SEMA3A: variants seen among roughly 807,000 people sequenced by gnomAD.
The protein encoded by SEMA3A is semaphorin 3A.
In SEMA3A, 29 loss-of-function variants were observed where a neutral mutation model predicts 97.9. The observed-to-expected ratio is 0.30, with a 90% CI of 0.22 to 0.40. The LOEUF (loss-of-function observed/expected upper bound fraction) is 0.40, where lower values mean the gene tolerates loss of function less well. Among genes scored for constraint, SEMA3A ranks in the 10% least tolerant of loss-of-function variants. The pLI is 1.00. For synonymous variants in SEMA3A, 321 were observed against 323.7 expected (o/e 0.99, Z 0.09); for missense variants, 763 against 951.3 (o/e 0.80, Z 2.60).
intron 3 of SEMA3A, among the ~76,000 whole-genome samples, chr7:84,295,821 A>T (rs1212313476): frequency 6.6e-6 from 1 of 152,118 alleles, no homozygotes; most frequent in Non-Finnish European, 1.5e-5. Context: ...CCGAAAATAA[A>T]TAAACCAATA....
Position 84,014,332 on chromosome 7 carries a change from G to A in SEMA3A, c.687C>T (p.Ala229=), listed in dbSNP as rs1243646581. 1 of 1,610,304 alleles carries A rather than the reference G, an allele frequency of 6.2e-7. No homozygotes were observed. The highest frequency in any genetic ancestry group is 1.7e-5 in the Admixed American group (1 of 59,934). ...RWLNDPKFIS[A]HLISESDNPE... is the part of the protein sequence containing the mutation. ...GATTGTCACTCTCTGAGATGAGGTG[G>A]GCACTAATGAACTTTGGATCTGAGA... The change falls in exon 7 of 17, where the codon GCC becomes GCT. Residue 229 remains alanine, a synonymous_variant. Coordinates refer to ENST00000265362, the MANE Select transcript of SEMA3A (RefSeq NM_006080.3).
chr7:84,056,999 C>A (rs1392855709), intron 5 of SEMA3A, among the ~76,000 whole-genome samples: 1 of 152,158 alleles, frequency 6.6e-6, no homozygotes, highest in Non-Finnish European at 1.5e-5. Context: ...ATTTCAGGTA[C>A]AAGGAAACTG....
chr7:84,394,045 G>A (rs1803660442), intron 1 of SEMA3A, among the ~76,000 whole-genome samples: 1 of 152,060 alleles, frequency 6.6e-6, no homozygotes, highest in Admixed American at 6.6e-5. Context: ...AAAAGAGCTG[G>A]CTGGTGTCAC....
chr7:84,181,668 A>T (rs1037329967), intron 1 of SEMA3A, among the ~76,000 whole-genome samples: 2 of 152,174 alleles, frequency 1.3e-5, no homozygotes, highest in South Asian at 4.1e-4. Context: ...TTACAAATTC[A>T]TCACTGATTA....
chr7:84,476,383 A>C (rs1806281734), intron 1 of SEMA3A, among the ~76,000 whole-genome samples: 1 of 151,736 alleles, frequency 6.6e-6, no homozygotes, highest in South Asian at 2.1e-4. Flanking sequence ...GAAAAGAAAA[A>C]ATTTTTTTTC....
rs183515767 is a variant in SEMA3A, at chr7:84,010,000, G to T, written c.995+1022C>A. On this transcript the variant is annotated intron_variant, in intron 9 of 16. Coordinates refer to ENST00000265362, the MANE Select transcript of SEMA3A (RefSeq NM_006080.3). ...ATGTGCTGTAATGGTGAAGACTTTTGTTTTTATTATGTCTTTTTATGTGAT... is the reference window on the plus strand; with the variant it reads ...ATGTGCTGTAATGGTGAAGACTTTTTTTTTTATTATGTCTTTTTATGTGAT... 6.4e-3 allele frequency among the ~76,000 whole-genome samples: 910 copies of T among 142,716 alleles called. 10 individuals carry two copies. The highest frequency in any genetic ancestry group is 0.022 in the African/African-American group (870 of 39,132). The allele number at this position is 142,716 out of a possible 152,430, so 93.6% of individuals were successfully genotyped here.
At chr7:84,359,434 A>G (rs1169898357) in intron 2 of SEMA3A, among the ~76,000 whole-genome samples, 2 of 152,026 alleles carry the variant, frequency 1.3e-5, no homozygotes, top group East Asian at 3.9e-4. Context: ...TATATGCTGG[A>G]TTATGTTTAT....
chr7:84,063,966 G>T (rs1429733956), intron 4 of SEMA3A, among the ~76,000 whole-genome samples: 1 of 150,954 alleles, frequency 6.6e-6, no homozygotes, highest in Non-Finnish European at 1.5e-5. Flanking sequence ...ACACATAATT[G>T]TCAGATTCAC....
At chr7:84,093,416 G>C (rs541237297) in intron 4 of SEMA3A, among the ~76,000 whole-genome samples, 8 of 152,216 alleles carry the variant, frequency 5.3e-5, no homozygotes, top group African/African-American at 1.7e-4. Context: ...AGTGGAACTT[G>C]TTCTGAAGAA....
intron 2 of SEMA3A, among the ~76,000 whole-genome samples, chr7:84,363,797 G>C (rs62472625): frequency 0.064 from 9,688 of 151,758 alleles, 360 homozygotes; most frequent in East Asian, 0.13. Context: ...GTGATCTAGG[G>C]AACTCTAAGC....
intron 5 of SEMA3A, among the ~76,000 whole-genome samples, chr7:84,059,604 C>G (rs1033489656): frequency 5.9e-5 from 9 of 151,752 alleles, no homozygotes; most frequent in African/African-American, 9.6e-5. Context: ...TGAAAAGTTT[C>G]ATTTTGTTGT....
chr7:84,203,201 G>C lies in SEMA3A; in HGVS notation c.-82-8533C>G, dbSNP rs78213757. 4.3e-3 allele frequency among the ~76,000 whole-genome samples: 652 copies of C among 151,980 alleles called. 4 individuals are homozygous for C. The highest frequency in any genetic ancestry group is 0.015 in the African/African-American group (629 of 41,468). Reference sequence around the variant, plus strand: ...CTTGCATAATACATCACAATATTTTGCAAGTATTCTAGGAGCTCCTTCTTC... The same window carrying C: ...CTTGCATAATACATCACAATATTTTCCAAGTATTCTAGGAGCTCCTTCTTC... On this transcript the variant is annotated intron_variant, in intron 3 of 3. Coordinates refer to the SEMA3A transcript ENST00000424555.
At chr7:84,343,865 G>A (rs1053713408) in intron 2 of SEMA3A, among the ~76,000 whole-genome samples, 4 of 151,998 alleles carry the variant, frequency 2.6e-5, no homozygotes, top group African/African-American at 9.7e-5. Context: ...AAACAGTCAC[G>A]TGTGGTGGCA....
At chr7:84,429,543 T>TAGAG (rs1488139640) in intron 1 of SEMA3A, among the ~76,000 whole-genome samples, 4 of 121,722 alleles carry the variant, frequency 3.3e-5, no homozygotes, top group African/African-American at 1.2e-4. Flanking sequence ...TATATATATA[T>TAGAG]ATATAGCGAG....
intron 1 of SEMA3A, among the ~76,000 whole-genome samples, chr7:84,489,668 C>G (rs1167579064): frequency 1.3e-5 from 2 of 152,112 alleles, no homozygotes; most frequent in African/African-American, 4.8e-5. Flanking sequence ...GCCCATTTTA[C>G]AGAGTTACTA....
chr7:84,279,671 C>T (rs1278546280), intron 3 of SEMA3A, among the ~76,000 whole-genome samples: 1 of 151,996 alleles, frequency 6.6e-6, no homozygotes, highest in Non-Finnish European at 1.5e-5. Context: ...GAATGCTTTC[C>T]AAATAAAATT....
chr7:84,088,005 G>A (rs1794433252), intron 4 of SEMA3A, among the ~76,000 whole-genome samples: 1 of 152,076 alleles, frequency 6.6e-6, no homozygotes, highest in South Asian at 2.1e-4. Flanking sequence ...GGATCTTGTA[G>A]CACTTTGTAA....
At chr7:83,992,525 T>C (rs1396352670) in intron 12 of SEMA3A, among the ~76,000 whole-genome samples, 1 of 152,014 alleles carries the variant, frequency 6.6e-6, no homozygotes, top group Non-Finnish European at 1.5e-5. Context: ...TGTGTCTTTG[T>C]TGTTGTTGGT....
intron 15 of SEMA3A, among the ~76,000 whole-genome samples, chr7:83,966,863 C>T (rs1169899912): frequency 2.0e-5 from 3 of 152,102 alleles, no homozygotes; most frequent in African/African-American, 7.2e-5. Context: ...AGGCATGCGC[C>T]ACCACGCCCA....
Sources: gnomAD v4.1 joint callset for allele counts (sites outside exome capture counted in the v4.1 genomes callset) on GRCh38, gnomAD v4.1.1 for gene constraint, MANE v1.5 for transcripts, NCBI Gene and HGNC (gene_info 2026-07-23, HGNC 2026-07-21) for gene names.